The following SYNPO2 variants were observed in gnomAD, a reference collection of about 807,000 sequenced individuals.
SYNPO2 encodes synaptopodin-2.
Under a neutral mutation model 85.0 loss-of-function variants are expected in SYNPO2, and 56 were observed. The observed-to-expected ratio is 0.66, with a 90% CI of 0.53 to 0.82. SYNPO2 has a LOEUF of 0.82. Ranked by LOEUF, SYNPO2 falls within the 40% of genes least tolerant of loss-of-function variation. The pLI, the probability that SYNPO2 is intolerant of heterozygous loss-of-function variation, is 0.00. For synonymous variants in SYNPO2, 602 were observed against 591.1 expected (o/e 1.02, Z -0.27); for missense variants, 1,575 against 1,534.2 (o/e 1.03, Z -0.44).
At chr4:118,895,296 C>T (rs557640456) in intron 1 of SYNPO2, among the ~76,000 whole-genome samples, 1 of 152,302 alleles carries the variant, frequency 6.6e-6, no homozygotes, top group East Asian at 1.9e-4. Flanking sequence ...GCTCTTTACC[C>T]ATATCCCTCT....
chr4:119,028,226 T>G lies in SYNPO2; in HGVS notation c.1069+788T>G, dbSNP rs577063900. The stretch of plus-strand genomic sequence containing the variant: ...ATTTCACGTTTATTTTTGTTTGTTT[T>G]TTTTTTTTTTTTTACTAATTTTGGA... On this transcript the variant is annotated intron_variant, in intron 3 of 4. Coordinates refer to ENST00000307142, the MANE Select transcript of SYNPO2 (RefSeq NM_133477.3). 6.1e-4 allele frequency among the ~76,000 whole-genome samples: 92 copies of G among 151,070 alleles called. 1 individual carries two copies. The highest frequency in any genetic ancestry group is 1.6e-3 in the African/African-American group (67 of 41,278).
chr4:118,855,561 A>G (rs189401830), intron 1 of SYNPO2, among the ~76,000 whole-genome samples: 4 of 152,274 alleles, frequency 2.6e-5, no homozygotes, highest in Admixed American at 2.0e-4. Flanking sequence ...AGAATAATCA[A>G]TTGAAGGTGT....
At chr4:118,924,783 G>C (rs1380560565) in intron 1 of SYNPO2, among the ~76,000 whole-genome samples, 1 of 152,168 alleles carries the variant, frequency 6.6e-6, no homozygotes, top group Non-Finnish European at 1.5e-5. Context: ...TGGTATATCT[G>C]CTGTTTTAAA....
intron 1 of SYNPO2, among the ~76,000 whole-genome samples, chr4:118,949,096 G>A (rs967825725): frequency 6.6e-6 from 1 of 152,178 alleles, no homozygotes; most frequent in Non-Finnish European, 1.5e-5. Flanking sequence ...GCCTAAGGAT[G>A]CTTTGTCAAT....
intron 1 of SYNPO2, among the ~76,000 whole-genome samples, chr4:118,977,195 G>A (rs1242348328): frequency 1.3e-5 from 2 of 152,250 alleles, no homozygotes; most frequent in East Asian, 3.9e-4. Context: ...GGCCTGCCCC[G>A]TGGGAAGGCA....
rs563000567 is a variant in SYNPO2 at position 118,958,010 on chromosome 4, A to T, written c.106-65420A>T. On this transcript the variant is annotated intron_variant, in intron 1 of 4. Coordinates refer to ENST00000307142, the MANE Select transcript of SYNPO2 (RefSeq NM_133477.3). Reference sequence around the variant, plus strand: ...GAGAACACAGTGCTGAGATGAGCTAATTCTCTAGACACATAAAAGAGCTGC... The same window carrying T: ...GAGAACACAGTGCTGAGATGAGCTATTTCTCTAGACACATAAAAGAGCTGC... 3.3e-5 allele frequency among the ~76,000 whole-genome samples: 5 copies of T among 152,280 alleles called. No homozygotes were observed. The South Asian group carries it at 1.0e-3, about 32-fold the overall frequency.
At chr4:119,014,332 T>G (rs1476656812) in intron 1 of SYNPO2, among the ~76,000 whole-genome samples, 2 of 152,200 alleles carry the variant, frequency 1.3e-5, no homozygotes, top group Non-Finnish European at 2.9e-5. Context: ...GAGAATTGCT[T>G]GAACCTGGGA....
rs369442003 is a variant in SYNPO2 at position 118,977,290 on chromosome 4, T to C, written c.106-46140T>C. On this transcript the variant is annotated intron_variant, in intron 1 of 4. Transcript: ENST00000307142. Reference sequence around the variant, plus strand: ...AGTACACCCTCTGCAGCCACTGGCCTGGGTGCTAAGTCCCCCATTGCCCGA... The same window carrying C: ...AGTACACCCTCTGCAGCCACTGGCCCGGGTGCTAAGTCCCCCATTGCCCGA... Among the ~76,000 whole-genome samples, 181 of 152,348 alleles carry C rather than the reference T, an allele frequency of 1.2e-3. 1 individual carries two copies. Among genetic ancestry groups the C allele is most frequent in the South Asian group, 4.1e-3 (20 of 4,834 alleles).
intron 1 of SYNPO2, among the ~76,000 whole-genome samples, chr4:118,942,578 G>A (rs1285503439): frequency 1.3e-5 from 2 of 151,786 alleles, no homozygotes; most frequent in Non-Finnish European, 2.9e-5. Flanking sequence ...GTTTAATCTG[G>A]CTCAGCAGTA....
At chr4:118,995,688 G>T (rs147415370) in intron 1 of SYNPO2, among the ~76,000 whole-genome samples, 37 of 152,164 alleles carry the variant, frequency 2.4e-4, no homozygotes, top group African/African-American at 8.7e-4. Context: ...TCTTAGCTCT[G>T]CCCCTTAATA....
At chr4:118,884,696 CA>C (rs1454486313), upstream of SYNPO2, among the ~76,000 whole-genome samples, 2 of 151,988 alleles carry the variant, frequency 1.3e-5, no homozygotes, top group African/African-American at 4.8e-5. Flanking sequence ...ATAAAGTAAA[CA>C]AAAAAATAAA....
intron 4 of SYNPO2, among the ~76,000 whole-genome samples, chr4:119,044,420 A>G (rs1438522942): frequency 6.6e-6 from 1 of 152,226 alleles, no homozygotes; most frequent in Non-Finnish European, 1.5e-5. Flanking sequence ...CACTTGGACC[A>G]GAGATGTGAT....
At chr4:119,007,229 T>TATATATATACATAC (rs1737071667) in intron 1 of SYNPO2, among the ~76,000 whole-genome samples, 1 of 48,058 alleles carries the variant, frequency 2.1e-5, no homozygotes, top group African/African-American at 9.2e-5. Context: ...TATATATATA[T>TATATATATACATAC]ATATATATAT....
chr4:118,960,516 T>C (rs1578587071), intron 1 of SYNPO2, among the ~76,000 whole-genome samples: 1 of 152,046 alleles, frequency 6.6e-6, no homozygotes, highest in Admixed American at 6.5e-5. Flanking sequence ...ATATATTAGG[T>C]AAATGTATCT....
chr4:118,985,947 A>G (rs920385336), intron 1 of SYNPO2, among the ~76,000 whole-genome samples: 2 of 152,194 alleles, frequency 1.3e-5, no homozygotes, highest in African/African-American at 2.4e-5. Context: ...TCCGATGTGA[A>G]CAACTCTTCA....
At chr4:118,986,072 T>A (rs1393886475) in intron 1 of SYNPO2, among the ~76,000 whole-genome samples, 4 of 152,152 alleles carry the variant, frequency 2.6e-5, no homozygotes, top group Non-Finnish European at 5.9e-5. Context: ...GAAACCTTCT[T>A]CCCCTCTGCC....
At chr4:118,976,585 C>A (rs1735752311) in intron 1 of SYNPO2, among the ~76,000 whole-genome samples, 1 of 152,134 alleles carries the variant, frequency 6.6e-6, no homozygotes, top group South Asian at 2.1e-4. Context: ...CTGATTGGTG[C>A]ATTTACAATC....
chr4:119,009,469 G>A (rs189624747), intron 1 of SYNPO2, among the ~76,000 whole-genome samples: 1 of 152,096 alleles, frequency 6.6e-6, no homozygotes, highest in African/African-American at 2.4e-5. Flanking sequence ...TTAATAATAT[G>A]GTTCCTTGTA....
At chr4:119,036,240 G>T (rs1738504995) in intron 4 of SYNPO2, 1 of 985,308 alleles carries the variant, frequency 1.0e-6, no homozygotes, top group African/African-American at 1.7e-5. Flanking sequence ...CTTCTAGAGG[G>T]AAGTCGTGGG....
Sources: gnomAD v4.1 joint callset for allele counts (sites outside exome capture counted in the v4.1 genomes callset) on GRCh38, gnomAD v4.1.1 for gene constraint, MANE v1.5 for transcripts, NCBI Gene and HGNC (gene_info 2026-07-23, HGNC 2026-07-21) for gene names.